EFCAB6: variants seen among roughly 807,000 people sequenced by gnomAD.
EFCAB6 encodes EF-hand calcium binding domain 6.
Under a neutral mutation model 169.8 loss-of-function variants are expected in EFCAB6, and 156 were observed. That is an observed-to-expected ratio of 0.92 (90% CI 0.81 to 1.05). The LOEUF (loss-of-function observed/expected upper bound fraction) is 1.05, where lower values mean the gene tolerates loss of function less well. Ranked by LOEUF, EFCAB6 falls within the 50% of genes least tolerant of loss-of-function variation. EFCAB6 has a pLI of 0.00. For missense variants in EFCAB6, 1,800 were observed against 1,829.1 expected, an observed-to-expected ratio of 0.98 and a Z score of 0.29; for synonymous variants, 698 against 676.4, an observed-to-expected ratio of 1.03 and a Z score of -0.50.
chr22:43,619,674 A>G (rs573727409), intron 20 of EFCAB6, among the ~76,000 whole-genome samples: 9 of 152,238 alleles, frequency 5.9e-5, no homozygotes, highest in Non-Finnish European at 1.3e-4. Flanking sequence ...TTGAAAACTC[A>G]CGAACAGAAA....
At chr22:43,689,275 T>C (rs1233097518) in intron 10 of EFCAB6, among the ~76,000 whole-genome samples, 2 of 151,308 alleles carry the variant, frequency 1.3e-5, no homozygotes, top group African/African-American at 2.4e-5. Context: ...ATCAGGAAAA[T>C]AACTGCTGAG....
Position 43,773,231 on chromosome 22 carries a change from C to T in EFCAB6, c.140-128G>A, listed in dbSNP as rs759868641. 32 of 844,442 alleles carry T rather than the reference C, an allele frequency of 3.8e-5. No individual in the cohort carries two copies. In the East Asian group the frequency reaches 8.3e-4, roughly 22 times the overall value. The allele number at this position is 844,442 out of a possible 1,614,324, so 52.3% of individuals were successfully genotyped here. A position where few individuals can be genotyped will look rare whatever the true frequency, so the allele number is the denominator to read the frequency against. On this transcript the variant is annotated intron_variant, in intron 3 of 31. Coordinates refer to ENST00000262726, the MANE Select transcript of EFCAB6 (RefSeq NM_022785.4). ...ATTTCTCCCACCATATCTAGGTTTA[C>T]GTGTATCACCGTTAGATGACTTGTA...
chr22:43,540,054 C>G, intron 28 of EFCAB6, 73 bp downstream of exon 28: 3 of 1,559,790 alleles, frequency 1.9e-6, no homozygotes, highest in Non-Finnish European at 2.6e-6. Flanking sequence ...GTAGGGCCCC[C>G]AAAGTCCCCC....
intron 15 of EFCAB6, among the ~76,000 whole-genome samples, chr22:43,671,703 GGAGT>G (rs2057500444): frequency 6.6e-6 from 1 of 152,182 alleles, no homozygotes; most frequent in South Asian, 2.1e-4. Flanking sequence ...TGTGTGAGTT[GGAGT>G]GAGTATTTAA....
chr22:43,755,877 T>A (rs1382976210), intron 5 of EFCAB6, 45 bp from the exon 6 acceptor site: 1 of 1,502,362 alleles, frequency 6.7e-7, no homozygotes, highest in Non-Finnish European at 9.0e-7. Context: ...TTTAACCAAA[T>A]AAATGTTTAC....
At chr22:43,683,910 C>T in intron 11 of EFCAB6, 55 bp from the exon 12 acceptor site, 1 of 1,403,168 alleles carries the variant, frequency 7.1e-7, no homozygotes, top group Non-Finnish European at 1.0e-6. Flanking sequence ...GAACTTTGTT[C>T]TTTTCTTAAT....
intron 4 of EFCAB6, among the ~76,000 whole-genome samples, chr22:43,768,531 C>T (rs564324205): frequency 6.6e-6 from 1 of 152,304 alleles, no homozygotes; most frequent in Admixed American, 6.5e-5. Flanking sequence ...AGAAGGGAAG[C>T]CATGCCCTTC....
intron 10 of EFCAB6, among the ~76,000 whole-genome samples, chr22:43,702,110 C>T (rs1281162437): frequency 1.3e-5 from 2 of 152,188 alleles, no homozygotes; most frequent in African/African-American, 4.8e-5. Context: ...AATCACAAGG[C>T]ACTACTTTAC....
At chr22:43,777,146 T>G (rs1416997879) in intron 3 of EFCAB6, among the ~76,000 whole-genome samples, 2 of 152,120 alleles carry the variant, frequency 1.3e-5, no homozygotes, top group African/African-American at 2.4e-5. Flanking sequence ...TCAAGGATAA[T>G]CCCTTGGTGC....
chr22:43,605,773 C>G (rs187266105), intron 22 of EFCAB6, among the ~76,000 whole-genome samples: 2 of 152,024 alleles, frequency 1.3e-5, no homozygotes, highest in Non-Finnish European at 2.9e-5. Context: ...TGGTAAACTG[C>G]GTTATGTATA....
chr22:43,603,276 G>A (rs2052659979), intron 22 of EFCAB6, among the ~76,000 whole-genome samples: 1 of 152,258 alleles, frequency 6.6e-6, no homozygotes, highest in Admixed American at 6.5e-5. Flanking sequence ...TGTTGTGAAT[G>A]TGATTAATAA....
In EFCAB6 at chr22:43,635,153, C is replaced by T; in HGVS notation, c.2047G>A (p.Gly683Ser). Residue 683 changes from glycine (G) to serine (S), a missense_variant, in exon 18 of 32, where the codon GGC becomes AGC. Gly to Ser is a moderately conservative substitution (Grantham distance 56). Coordinates refer to ENST00000262726, the MANE Select transcript of EFCAB6 (RefSeq NM_022785.4). The stretch of plus-strand genomic sequence containing the variant: ...TAGCTCATCCCTTCCTTCTCGAAGC[C>T]TATTTTAGTGGTCAGCAGGGCATAC... ...DQYALLTTKI[G>S]FEKEGMSYLD... 6.2e-7 allele frequency: 1 copy of T among 1,614,144 alleles called. No homozygotes were observed. Among genetic ancestry groups the T allele is most frequent in the Non-Finnish European group, 8.5e-7 (1 of 1,180,034 alleles).
intron 26 of EFCAB6, among the ~76,000 whole-genome samples, chr22:43,574,958 C>T (rs1009412280): frequency 3.9e-5 from 6 of 152,162 alleles, no homozygotes; most frequent in African/African-American, 7.2e-5. Context: ...GAATGCTGGC[C>T]GTTTCTGGGA....
chr22:43,599,435 G>A (rs1602520281), intron 23 of EFCAB6, among the ~76,000 whole-genome samples: 2 of 139,062 alleles, frequency 1.4e-5, no homozygotes, highest in Non-Finnish European at 3.0e-5. Context: ...GCTTGAACCC[G>A]GGAGGTGGAG....
chr22:43,541,963 C>T (rs1275200917), intron 27 of EFCAB6, among the ~76,000 whole-genome samples: 1 of 152,202 alleles, frequency 6.6e-6, no homozygotes, highest in East Asian at 1.9e-4. Context: ...ACTGGTCAGA[C>T]CCAGGGGAAG....
chr22:43,545,746 T>C (rs1209461874), intron 27 of EFCAB6, among the ~76,000 whole-genome samples: 1 of 152,172 alleles, frequency 6.6e-6, no homozygotes, highest in African/African-American at 2.4e-5. Context: ...CTGGAGTCTG[T>C]GAAACCATTT....
intron 23 of EFCAB6, 147 bp from the exon 24 acceptor site, chr22:43,590,376 T>A: frequency 1.3e-6 from 1 of 798,654 alleles, no homozygotes; most frequent in Non-Finnish European, 1.8e-6. Flanking sequence ...CTCAGTGTAA[T>A]ACTGACATTA....
intron 5 of EFCAB6, among the ~76,000 whole-genome samples, chr22:43,762,635 G>C (rs1057086709): frequency 6.6e-6 from 1 of 152,208 alleles, no homozygotes; most frequent in Non-Finnish European, 1.5e-5. Flanking sequence ...CAACAACAAA[G>C]ATAATTCTGC....
intron 20 of EFCAB6, among the ~76,000 whole-genome samples, chr22:43,622,098 A>G (rs1206084784): frequency 6.6e-6 from 1 of 152,234 alleles, no homozygotes; most frequent in African/African-American, 2.4e-5. Context: ...AATTTAATGA[A>G]ATATCTAAGG....
Sources: allele counts gnomAD v4.1 joint callset (sites outside exome capture counted in the v4.1 genomes callset), GRCh38; gene constraint gnomAD v4.1.1; transcripts MANE v1.5; gene names NCBI Gene and HGNC (gene_info 2026-07-23, HGNC 2026-07-21).